The following MTDH variants were observed in gnomAD, a reference collection of about 807,000 sequenced individuals.
MTDH encodes the protein protein LYRIC.
A neutral mutation model predicts 72.7 loss-of-function variants in MTDH; 34 were observed. That is an observed-to-expected ratio of 0.47 (90% CI 0.36 to 0.62). The LOEUF is 0.62. Among genes scored for constraint, MTDH ranks in the 20% least tolerant of loss-of-function variants. MTDH has a pLI of 0.00. For missense variants in MTDH, 677 were observed against 699.4 expected (o/e 0.97, Z 0.36); for synonymous variants, 266 against 268.9 (o/e 0.99, Z 0.10).
chr8:97,644,450 T>A lies in MTDH; in HGVS notation c.-57T>A. The A allele has an allele frequency of 2.0e-6, 3 of 1,519,820 alleles. No individual in the cohort carries two copies. The highest frequency in any genetic ancestry group is 2.6e-6 in the Non-Finnish European group (3 of 1,141,770). The allele number at this position is 1,519,820 out of a possible 1,614,324, so 94.1% of individuals were successfully genotyped here. On this transcript the variant is annotated 5_prime_UTR_variant, in exon 1 of 12. Coordinates refer to ENST00000336273, the MANE Select transcript of MTDH (RefSeq NM_178812.4). ...GCCCTTCCTCGCTTCCCTCGACTAT[T>A]CCACTGCGTCTCCGCGCCCCGGCGT...
At chr8:97,695,800 G>A (rs989303232) in intron 6 of MTDH, among the ~76,000 whole-genome samples, 4 of 152,184 alleles carry the variant, frequency 2.6e-5, no homozygotes, top group African/African-American at 9.7e-5. Flanking sequence ...TCATACTTAT[G>A]TAATTGTGAG....
At chr8:97,657,207 G>A (rs1812014331) in intron 1 of MTDH, among the ~76,000 whole-genome samples, 1 of 152,042 alleles carries the variant, frequency 6.6e-6, no homozygotes, top group South Asian at 2.1e-4. Context: ...TAACAAGAAG[G>A]TAAACATGGT....
chr8:97,692,566 C>T (rs1324501250), intron 6 of MTDH, among the ~76,000 whole-genome samples: 2 of 151,864 alleles, frequency 1.3e-5, no homozygotes, highest in East Asian at 1.9e-4. Context: ...TTAGTAGAGA[C>T]GGGGTTTCAC....
At chr8:97,681,627 G>C (rs1463587198) in intron 2 of MTDH, among the ~76,000 whole-genome samples, 8 of 151,060 alleles carry the variant, frequency 5.3e-5, no homozygotes, top group African/African-American at 1.9e-4. Context: ...CCGAGTAGCT[G>C]TGATTACAGG....
chr8:97,682,259 TATATATATATATATA>T (rs1813149301), intron 2 of MTDH, among the ~76,000 whole-genome samples: 1 of 7,712 alleles, frequency 1.3e-4, no homozygotes, highest in Non-Finnish European at 2.8e-4. Flanking sequence ...TATATATATA[TATATATATATATATA>T]TATATATTTT....
chr8:97,720,053 A>G (rs2917961), intron 10 of MTDH, among the ~76,000 whole-genome samples: 71,530 of 151,944 alleles, frequency 0.47, 19,664 homozygotes, highest in African/African-American at 0.75. Context: ...TTGGGAGGCC[A>G]AGGTGGGTGG....
intron 10 of MTDH, among the ~76,000 whole-genome samples, 179 bp downstream of exon 10, chr8:97,719,368 C>T (rs567206820): frequency 6.6e-6 from 1 of 151,828 alleles, no homozygotes; most frequent in South Asian, 2.1e-4. Flanking sequence ...TGATGGGAGC[C>T]TGTAACCCCA....
intron 2 of MTDH, among the ~76,000 whole-genome samples, chr8:97,682,280 A>ATATATT (rs1563542568): frequency 5.5e-4 from 2 of 3,630 alleles, no homozygotes; most frequent in Admixed American, 7.4e-3. Flanking sequence ...ATATATATAT[A>ATATATT]TTTTTTTTTT....
In MTDH at chr8:97,644,389, G is replaced by A; in HGVS notation, c.-118G>A. The A allele has an allele frequency of 1.5e-6, 2 of 1,357,790 alleles. No homozygotes were observed. Among genetic ancestry groups the A allele is most frequent in the South Asian group, 1.4e-5 (1 of 69,252 alleles). The allele number at this position is 1,357,790 out of a possible 1,614,324, so 84.1% of individuals were successfully genotyped here. A position where few individuals can be genotyped will look rare whatever the true frequency, so the allele number is the denominator to read the frequency against. On this transcript the variant is annotated 5_prime_UTR_variant, in exon 1 of 12. Coordinates refer to ENST00000336273, the MANE Select transcript of MTDH (RefSeq NM_178812.4). ...GATCCCCGGCTCCGGCGCGAGGGACGGCCGCGATGCGCTCGGCCTGAGGTT... is the reference window on the plus strand; with the variant it reads ...GATCCCCGGCTCCGGCGCGAGGGACAGCCGCGATGCGCTCGGCCTGAGGTT...
intron 2 of MTDH, among the ~76,000 whole-genome samples, chr8:97,673,448 C>T (rs1353249003): frequency 2.0e-5 from 3 of 152,096 alleles, no homozygotes; most frequent in Non-Finnish European, 4.4e-5. Flanking sequence ...CACCTGAGGT[C>T]AGGAGTTCAA....
chr8:97,681,022 A>C (rs1028680399), intron 2 of MTDH, among the ~76,000 whole-genome samples: 11 of 152,158 alleles, frequency 7.2e-5, no homozygotes, highest in African/African-American at 2.7e-4. Flanking sequence ...AATCTTTTTC[A>C]GTTTTAAATG....
intron 5 of MTDH, 35 bp downstream of exon 5, chr8:97,689,138 C>A (rs1554578903): frequency 1.6e-6 from 2 of 1,279,804 alleles, no homozygotes; most frequent in South Asian, 1.4e-5. Context: ...AATTGAAGGC[C>A]CATCAAAATA....
chr8:97,693,319 G>A (rs1813693738), intron 6 of MTDH, among the ~76,000 whole-genome samples: 2 of 152,140 alleles, frequency 1.3e-5, no homozygotes, highest in East Asian at 1.9e-4. Context: ...CAACTTTCTT[G>A]GTCATTTCTT....
chr8:97,711,539 C>G (rs768975094), intron 8 of MTDH, among the ~76,000 whole-genome samples: 4 of 151,876 alleles, frequency 2.6e-5, no homozygotes, highest in African/African-American at 7.3e-5. Flanking sequence ...CCCCTGTACC[C>G]CTTTTACCCA....
At position 97,729,812 on chromosome 8, in the gene MTDH, G is replaced by T. The variant is rs1214001601; in HGVS notation, c.*5142G>T. Among the ~76,000 whole-genome samples, 1 of 152,120 alleles carries T rather than the reference G, an allele frequency of 6.6e-6. No homozygotes were observed. The highest frequency in any genetic ancestry group is 2.4e-5 in the African/African-American group (1 of 41,428). On this transcript the variant is annotated 3_prime_UTR_variant, in exon 12 of 12. Coordinates refer to ENST00000336273, the MANE Select transcript of MTDH (RefSeq NM_178812.4). ...AGTCTATATATAATAGATTTTAGAA[G>T]AAATTTCTGCCACTCAGTGACTGCT...
intron 2 of MTDH, among the ~76,000 whole-genome samples, chr8:97,669,229 A>G (rs1245265890): frequency 1.3e-5 from 2 of 151,630 alleles, no homozygotes; most frequent in African/African-American, 4.8e-5. Context: ...GCTCACTGCA[A>G]CCTCCACCTC....
At chr8:97,697,148 A>T (rs865876223) in intron 6 of MTDH, among the ~76,000 whole-genome samples, 1,981 of 68,368 alleles carry the variant, frequency 0.029, 387 homozygotes, top group African/African-American at 0.18. Flanking sequence ...ATATATATAT[A>T]TATTTTTTTT....
At chr8:97,683,543 A>T (rs546088857) in intron 2 of MTDH, among the ~76,000 whole-genome samples, 1 of 150,446 alleles carries the variant, frequency 6.6e-6, no homozygotes, top group Non-Finnish European at 1.5e-5. Context: ...CCACAGTTGC[A>T]TGCCGCCACC....
intron 4 of MTDH, among the ~76,000 whole-genome samples, chr8:97,688,009 G>C (rs1316555162): frequency 6.6e-6 from 1 of 152,136 alleles, no homozygotes; most frequent in Non-Finnish European, 1.5e-5. Flanking sequence ...TGCATGTTCT[G>C]GTGAGTGCAG....
Sources: allele counts gnomAD v4.1 joint callset (sites outside exome capture counted in the v4.1 genomes callset), GRCh38; gene constraint gnomAD v4.1.1; transcripts MANE v1.5; gene names NCBI Gene and HGNC (gene_info 2026-07-23, HGNC 2026-07-21).